EYA1: variants seen among roughly 807,000 people sequenced by gnomAD.
EYA1 encodes protein phosphatase EYA1.
Under a neutral mutation model 82.0 loss-of-function variants are expected in EYA1, and 16 were observed. The ratio of observed to expected loss-of-function variants is 0.20; its 90% CI spans 0.13 to 0.30. EYA1 has a LOEUF of 0.30. Ranked by LOEUF, EYA1 falls within the 10% of genes least tolerant of loss-of-function variation. The pLI is 1.00. For synonymous variants in EYA1, 261 were observed against 264.4 expected, an observed-to-expected ratio of 0.99 and a Z score of 0.12; for missense variants, 633 against 730.7, an observed-to-expected ratio of 0.87 and a Z score of 1.54.
At chr8:71,305,932 G>T (rs1262598847) in intron 7 of EYA1, among the ~76,000 whole-genome samples, 1 of 152,114 alleles carries the variant, frequency 6.6e-6, no homozygotes, top group African/African-American at 2.4e-5. Flanking sequence ...GCATCTACTG[G>T]CATTCTTTAT....
At chr8:71,299,465 A>G (rs556086616) in intron 8 of EYA1, among the ~76,000 whole-genome samples, 173 bp downstream of exon 8, 45 of 152,334 alleles carry the variant, frequency 3.0e-4, no homozygotes, top group African/African-American at 1.1e-3. Flanking sequence ...GTAAAATTAA[A>G]CCAATCTGAA....
chr8:71,243,022 G>C (rs1393836787), intron 12 of EYA1, among the ~76,000 whole-genome samples: 1 of 151,992 alleles, frequency 6.6e-6, no homozygotes, highest in Non-Finnish European at 1.5e-5. Flanking sequence ...AGGTGATCCA[G>C]CTGCCTCTGC....
At chr8:71,501,817 C>T (rs770861067) in intron 2 of EYA1, among the ~76,000 whole-genome samples, 1 of 152,190 alleles carries the variant, frequency 6.6e-6, no homozygotes, top group East Asian at 1.9e-4. Flanking sequence ...TTACACTTAA[C>T]TATTTTAGCT....
intron 7 of EYA1, among the ~76,000 whole-genome samples, chr8:71,299,974 T>C (rs1373331995): frequency 1.3e-5 from 2 of 152,212 alleles, no homozygotes; most frequent in African/African-American, 4.8e-5. Context: ...AATACATTTG[T>C]GTAAAAATAT....
At chr8:71,315,069 G>C (rs1333614328) in intron 7 of EYA1, among the ~76,000 whole-genome samples, 1 of 152,090 alleles carries the variant, frequency 6.6e-6, no homozygotes, top group Non-Finnish European at 1.5e-5. Context: ...TCTGGGAGAA[G>C]AGCAAGATGA....
intron 9 of EYA1, among the ~76,000 whole-genome samples, chr8:71,285,308 C>A (rs752613280): frequency 6.0e-5 from 9 of 150,380 alleles, no homozygotes; most frequent in Non-Finnish European, 1.0e-4. Context: ...TGTAGGGAAA[C>A]ATATACTTTA....
intron 16 of EYA1, among the ~76,000 whole-genome samples, chr8:71,214,800 C>CT (rs1381088943): frequency 6.6e-6 from 1 of 152,180 alleles, no homozygotes; most frequent in Non-Finnish European, 1.5e-5. Flanking sequence ...ATGTAACTGT[C>CT]TGCTTCCCCT....
chr8:71,402,521 TA>T (rs1158574612), intron 2 of EYA1, among the ~76,000 whole-genome samples: 1 of 152,226 alleles, frequency 6.6e-6, no homozygotes, highest in Non-Finnish European at 1.5e-5. Flanking sequence ...ATTCTAAAGT[TA>T]TTTTTTAATT....
Position 71,497,278 on chromosome 8 carries a change from G to A in EYA1, c.33+38466C>T, listed in dbSNP as rs189065960. Among the ~76,000 whole-genome samples, 319 of 152,292 alleles carry A rather than the reference G, an allele frequency of 2.1e-3. 2 individuals are homozygous for A. The highest frequency in any genetic ancestry group is 7.2e-3 in the African/African-American group (300 of 41,570). ...AAAGTTTAGAAATTTGTGTTGGGCC[G>A]CATTCAAAGCCATCCTGGGCCGCAT... On this transcript the variant is annotated intron_variant, in intron 2 of 18. Coordinates refer to the EYA1 transcript ENST00000643681.
chr8:71,530,654 C>T (rs1814191949), intron 2 of EYA1, among the ~76,000 whole-genome samples: 1 of 152,136 alleles, frequency 6.6e-6, no homozygotes, highest in African/African-American at 2.4e-5. Context: ...CTTTTAGTAA[C>T]TTCTGCTAAA....
intron 2 of EYA1, among the ~76,000 whole-genome samples, chr8:71,528,800 T>C (rs1182396267): frequency 6.6e-6 from 1 of 152,162 alleles, no homozygotes; most frequent in African/African-American, 2.4e-5. Context: ...AATCACACAA[T>C]CATGCAAGAA....
At chr8:71,357,786 A>G (rs762322782) in intron 1 of EYA1, among the ~76,000 whole-genome samples, 5 of 152,250 alleles carry the variant, frequency 3.3e-5, no homozygotes, top group Admixed American at 6.5e-5. Flanking sequence ...CAATACGTGC[A>G]GGATGAAAAA....
At chr8:71,433,970 G>A (rs1410006861) in intron 2 of EYA1, among the ~76,000 whole-genome samples, 1 of 152,208 alleles carries the variant, frequency 6.6e-6, no homozygotes, top group African/African-American at 2.4e-5. Context: ...AAGAAAGATA[G>A]TGGCTTGCAC....
chr8:71,530,023 T>A (rs1420518081), intron 2 of EYA1: 1 of 152,138 alleles, frequency 6.6e-6, no homozygotes, highest in African/African-American at 2.4e-5. Context: ...TTGAATTGTA[T>A]CTCTCCAGAA....
At chr8:71,297,478 G>A (rs186847823) in intron 9 of EYA1, among the ~76,000 whole-genome samples, 5 of 152,052 alleles carry the variant, frequency 3.3e-5, no homozygotes, top group East Asian at 1.9e-4. Context: ...AATATTATTC[G>A]CTGTCTCCTC....
At chr8:71,364,234 T>C (rs1339782820), upstream of EYA1, among the ~76,000 whole-genome samples, 1 of 151,932 alleles carries the variant, frequency 6.6e-6, no homozygotes, top group Non-Finnish European at 1.5e-5. Flanking sequence ...TCCATGTGCA[T>C]ATTTACTACT....
chr8:71,425,161 T>C (rs966392158), intron 2 of EYA1, among the ~76,000 whole-genome samples: 9 of 147,498 alleles, frequency 6.1e-5, no homozygotes, highest in African/African-American at 1.8e-4. Context: ...CAGGCACCTG[T>C]AGTCCCAGCT....
rs149236673 is a variant in EYA1 at position 71,247,683 on chromosome 8, T to A, written c.1051-2991A>T. On this transcript the variant is annotated intron_variant, in intron 11 of 17. Transcript: ENST00000340726. ...TACTCTTGGATTTATAAGAAATTGC[T>A]CATTCACAAGGAGTTTAAGTATCAG... Among the ~76,000 whole-genome samples the A allele has an allele frequency of 2.6e-5, 4 of 152,322 alleles. No individual in the cohort carries two copies. In the East Asian group the frequency reaches 7.7e-4, roughly 29 times the overall value.
intron 11 of EYA1, among the ~76,000 whole-genome samples, chr8:71,258,501 A>C (rs1365290123): frequency 6.6e-6 from 1 of 152,214 alleles, no homozygotes; most frequent in Admixed American, 6.5e-5. Flanking sequence ...ACCACCTGAT[A>C]CTTCTATGGT....
Sources: allele counts gnomAD v4.1 joint callset (sites outside exome capture counted in the v4.1 genomes callset), GRCh38; gene constraint gnomAD v4.1.1; transcripts MANE v1.5; gene names NCBI Gene and HGNC (gene_info 2026-07-23, HGNC 2026-07-21).